Variants in BRD4 observed in about 807,000 individuals in gnomAD.
BRD4 encodes bromodomain containing 4, also known as bromodomain-containing protein 4.
BRD4 carries 16 observed loss-of-function variants against 142.1 expected under a neutral mutation model. The ratio of observed to expected loss-of-function variants is 0.11; its 90% CI spans 0.08 to 0.17. The LOEUF is 0.17. BRD4 is among the 10% of genes least tolerant of loss of function. BRD4 has a pLI of 1.00. For synonymous variants in BRD4, 833 were observed against 707.5 expected (o/e 1.18, Z -2.82); for missense variants, 1,424 against 1,810.9 (o/e 0.79, Z 3.88).
intron 11 of BRD4, chr19:15,249,208 G>T: frequency 1.2e-6 from 2 of 1,612,854 alleles, no homozygotes; most frequent in South Asian, 2.2e-5. Context: ...GAAGAAAATG[G>T]ACTTAAGCTA....
In BRD4 at chr19:15,284,792, C is replaced by T. The variant is rs1310345224; in HGVS notation, c.-34-11659G>A. Reference sequence around the variant, plus strand: ...TATAAAGGAGCAGAATAAAATGAAACCCACACCACTTCAGACGACTACAGC... The same window carrying T: ...TATAAAGGAGCAGAATAAAATGAAATCCACACCACTTCAGACGACTACAGC... On this transcript the variant is annotated intron_variant, in intron 1 of 19. Coordinates refer to ENST00000679869, the MANE Select transcript of BRD4 (RefSeq NM_001379291.1). Among the ~76,000 whole-genome samples, 3 of 152,278 alleles carry T rather than the reference C, an allele frequency of 2.0e-5. No individual in the cohort carries two copies. In the South Asian group the frequency reaches 6.2e-4, roughly 32 times the overall value.
intron 11 of BRD4, chr19:15,252,916 G>A (rs773245446): frequency 5.0e-5 from 9 of 180,968 alleles, no homozygotes; most frequent in Non-Finnish European, 1.1e-4. Context: ...ACACCTCAGA[G>A]CAACATGGCT....
At chr19:15,259,299 A>G (rs962934159) in intron 7 of BRD4, among the ~76,000 whole-genome samples, 1 of 152,234 alleles carries the variant, frequency 6.6e-6, no homozygotes, top group Non-Finnish European at 1.5e-5. Flanking sequence ...AGTGCCCTCT[A>G]CTGAGTGGTA....
chr19:15,305,699 A>C (rs887887574), intron 1 of BRD4, among the ~76,000 whole-genome samples: 6 of 152,198 alleles, frequency 3.9e-5, no homozygotes, highest in Non-Finnish European at 8.8e-5. Context: ...AGTAGCTTCA[A>C]CTTAAAGTCA....
Position 15,244,173 on chromosome 19 carries a change from A to G in BRD4, c.2581+58T>C, listed in dbSNP as rs879572057. On this transcript the variant is annotated intron_variant, in intron 13 of 19. Coordinates refer to ENST00000679869, the MANE Select transcript of BRD4 (RefSeq NM_001379291.1). ...CCCAGCCAGAGTGCTCGGACACCACATGGGTAAACCGAGGCAGGAAGGGGT... is the reference window on the plus strand; with the variant it reads ...CCCAGCCAGAGTGCTCGGACACCACGTGGGTAAACCGAGGCAGGAAGGGGT... 6.3e-5 allele frequency: 97 copies of G among 1,535,284 alleles called. 1 individual carries two copies. The African/African-American group carries it at 1.0e-3, about 16-fold the overall frequency.
chr19:15,283,288 C>T (rs892177533), intron 1 of BRD4, among the ~76,000 whole-genome samples: 1 of 152,180 alleles, frequency 6.6e-6, no homozygotes, highest in Non-Finnish European at 1.5e-5. Context: ...TTTAGTTAAA[C>T]TCAGCTGATA....
At chr19:15,311,327 T>C (rs2047968798) in intron 1 of BRD4, among the ~76,000 whole-genome samples, 1 of 150,474 alleles carries the variant, frequency 6.6e-6, no homozygotes, top group Non-Finnish European at 1.5e-5. Flanking sequence ...AGTAGGCAGG[T>C]GGATATTTGC....
intron 13 of BRD4, among the ~76,000 whole-genome samples, chr19:15,243,854 G>A (rs1192679099): frequency 6.6e-6 from 1 of 152,110 alleles, no homozygotes; most frequent in Non-Finnish European, 1.5e-5. Flanking sequence ...CAGGTTCCAT[G>A]GGAGGAATCC....
In BRD4 at chr19:15,238,351, C is replaced by A. The variant is rs765924158; in HGVS notation, c.*26G>T. 1.9e-6 allele frequency: 3 copies of A among 1,613,540 alleles called. No individual in the cohort carries two copies. The highest frequency in any genetic ancestry group is 2.2e-5 in the South Asian group (2 of 90,984). On this transcript the variant is annotated 3_prime_UTR_variant, in exon 20 of 20. Transcript: ENST00000679869. The surrounding 1 kb of genome is among the most constrained non-coding windows in gnomAD (Gnocchi z 7.2). Reference sequence around the variant, plus strand: ...GAAAGTCAATGTTTTGCCAGAAAATCAAAGTCAGAAGCCACCTAGGTGCGC... The same window carrying A: ...GAAAGTCAATGTTTTGCCAGAAAATAAAAGTCAGAAGCCACCTAGGTGCGC...
chr19:15,288,571 C>A (rs1242990270), intron 1 of BRD4, among the ~76,000 whole-genome samples: 1 of 152,234 alleles, frequency 6.6e-6, no homozygotes, highest in Non-Finnish European at 1.5e-5. Context: ...ACACCCTCCG[C>A]TGGCTTCTCC....
intron 12 of BRD4, 42 bp from the exon 13 acceptor site, chr19:15,244,642 G>A (rs201254358): frequency 1.2e-5 from 19 of 1,613,980 alleles, no homozygotes; most frequent in Non-Finnish European, 1.6e-5. Flanking sequence ...CTGATGTCAG[G>A]CAGGCAGAAC....
intron 1 of BRD4, among the ~76,000 whole-genome samples, chr19:15,288,953 C>T (rs2047761033): frequency 6.6e-6 from 1 of 152,210 alleles, no homozygotes; most frequent in African/African-American, 2.4e-5. Flanking sequence ...TACTCAAGTC[C>T]CCTCCTCCAC....
intron 1 of BRD4, among the ~76,000 whole-genome samples, chr19:15,299,792 T>C (rs1253185682): frequency 1.3e-5 from 2 of 152,214 alleles, no homozygotes; most frequent in African/African-American, 4.8e-5. Context: ...TCCAGTGCTA[T>C]GTGTCCTTAC....
chr19:15,260,918 A>G (rs1233715046), intron 7 of BRD4, among the ~76,000 whole-genome samples: 2 of 152,086 alleles, frequency 1.3e-5, no homozygotes, highest in East Asian at 1.9e-4. Flanking sequence ...ATGAGGAAGG[A>G]AGGGCTAGAA....
At chr19:15,285,018 C>A (rs2047729875) in intron 1 of BRD4, among the ~76,000 whole-genome samples, 1 of 152,186 alleles carries the variant, frequency 6.6e-6, no homozygotes. Context: ...GCACACCCTT[C>A]CTCCTCTCTC....
chr19:15,255,611 G>A lies in BRD4; in HGVS notation c.1752-19C>T, dbSNP rs771780449. On this transcript the variant is annotated intron_variant, in intron 9 of 19. Transcript: ENST00000679869. Reference sequence around the variant, plus strand: ...CTTCTTGCTACGAAGGGACGATGCAGACACCATCAAGAACGGGCCCCCTGA... The same window carrying A: ...CTTCTTGCTACGAAGGGACGATGCAAACACCATCAAGAACGGGCCCCCTGA... The A allele has an allele frequency of 6.3e-7, 1 of 1,583,948 alleles. No individual in the cohort carries two copies. The highest frequency in any genetic ancestry group is 1.1e-5 in the South Asian group (1 of 88,096).
rs1003578830 is a variant in BRD4, at chr19:15,255,961, C to T, written c.1751+103G>A. The T allele has an allele frequency of 5.4e-6, 8 of 1,476,444 alleles. No homozygotes were observed. In the African/African-American group the frequency reaches 9.9e-5, roughly 18 times the overall value. The allele number at this position is 1,476,444 out of a possible 1,614,324, so 91.5% of individuals were successfully genotyped here. A position where few individuals can be genotyped will look rare whatever the true frequency, so the allele number is the denominator to read the frequency against. ...TGAAGCCACGGCTGCAGAGGGGCAG[C>T]CTCCGCACCCAATGAGGACAGGGAG... On this transcript the variant is annotated intron_variant, in intron 9 of 19. Coordinates refer to ENST00000679869, the MANE Select transcript of BRD4 (RefSeq NM_001379291.1).
At chr19:15,285,417 A>G (rs2047732463) in intron 1 of BRD4, among the ~76,000 whole-genome samples, 1 of 152,140 alleles carries the variant, frequency 6.6e-6, no homozygotes, top group African/African-American at 2.4e-5. Context: ...TTGGTGGTGC[A>G]CGCCTGTGGT....
At chr19:15,242,716 A>T (rs2047247945) in intron 14 of BRD4, among the ~76,000 whole-genome samples, 184 bp downstream of exon 14, 1 of 152,100 alleles carries the variant, frequency 6.6e-6, no homozygotes, top group Admixed American at 6.6e-5. Flanking sequence ...CACAAGCAAG[A>T]GAGACACCTG....
Sources: allele counts gnomAD v4.1 joint callset (sites outside exome capture counted in the v4.1 genomes callset), GRCh38; gene constraint gnomAD v4.1.1; non-coding constraint Gnocchi (gnomAD v3.1); transcripts MANE v1.5; gene names NCBI Gene and HGNC (gene_info 2026-07-23, HGNC 2026-07-21).